The following RCL1 variants were observed in gnomAD, a reference collection of about 807,000 sequenced individuals.
RCL1 encodes the protein RNA 3'-terminal phosphate cyclase-like protein.
A neutral mutation model predicts 42.4 loss-of-function variants in RCL1; 24 were observed. That is an observed-to-expected ratio of 0.57 (90% CI 0.41 to 0.80). The LOEUF (loss-of-function observed/expected upper bound fraction) is 0.80. RCL1 is among the 30% of genes least tolerant of loss of function. The pLI is 0.00. For synonymous variants in RCL1, 228 were observed against 177.3 expected (o/e 1.29, Z -2.27); for missense variants, 578 against 467.9 (o/e 1.24, Z -2.17).
chr9:4,831,614 C>A lies in RCL1; in HGVS notation c.385-1540C>A, dbSNP rs1036528194. On this transcript the variant is annotated intron_variant, in intron 3 of 8. Coordinates refer to ENST00000381750, the MANE Select transcript of RCL1 (RefSeq NM_005772.5). ...ACCTCAGCCTCTCAAGTAGCTAGGA[C>A]CACAGGCGTGCAGCATGCCCAGCTT... 2.7e-5 allele frequency among the ~76,000 whole-genome samples: 4 copies of A among 150,216 alleles called. No homozygotes were observed. The Admixed American group carries it at 2.7e-4, about 10-fold the overall frequency.
At chr9:4,856,758 A>T (rs183481067) in intron 8 of RCL1, among the ~76,000 whole-genome samples, 16 of 152,330 alleles carry the variant, frequency 1.1e-4, no homozygotes, top group African/African-American at 3.8e-4. Context: ...AGGTGGAAGG[A>T]AAGCAAGGAA....
intron 2 of RCL1, 58 bp from the exon 3 acceptor site, chr9:4,826,800 C>G (rs905801728): frequency 6.8e-7 from 1 of 1,465,810 alleles, no homozygotes; most frequent in Non-Finnish European, 9.3e-7. Context: ...CCTTCATTAC[C>G]TTTGTGACAT....
chr9:4,844,503 G>T lies in RCL1; in HGVS notation c.711-22G>T, dbSNP rs778649234. The stretch of plus-strand genomic sequence containing the variant: ...CCTCACTTGGTTAAACCTACTCAGT[G>T]TTTGTGCCTTTGTATCTCCAGGTCT... On this transcript the variant is annotated intron_variant, in intron 6 of 8. Coordinates refer to ENST00000381750, the MANE Select transcript of RCL1 (RefSeq NM_005772.5). 11 of 1,597,036 alleles carry T rather than the reference G, an allele frequency of 6.9e-6. No individual in the cohort carries two copies. In the Admixed American group the frequency reaches 1.7e-4, roughly 25 times the overall value.
chr9:4,860,595 C>T lies in RCL1; in HGVS notation c.*320C>T. On this transcript the variant is annotated 3_prime_UTR_variant, in exon 9 of 9. Transcript: ENST00000381750. ...TAGCTGCAGTTCAGCTGTGCTTCCTCAGCCTACTATCATAGGCTTCCTCAG... is the reference window on the plus strand; with the variant it reads ...TAGCTGCAGTTCAGCTGTGCTTCCTTAGCCTACTATCATAGGCTTCCTCAG... 1 of 256,642 alleles carries T rather than the reference C, an allele frequency of 3.9e-6. No individual in the cohort carries two copies. The allele number at this position is 256,642 out of a possible 1,614,324, so 15.9% of individuals were successfully genotyped here.
At chr9:4,813,570 A>G (rs558726985) in intron 1 of RCL1, among the ~76,000 whole-genome samples, 5 of 152,304 alleles carry the variant, frequency 3.3e-5, no homozygotes, top group East Asian at 1.9e-4. Flanking sequence ...AGAAATAGGA[A>G]CACTTTTACA....
Position 4,860,367 on chromosome 9 carries a change from G to T in RCL1, c.*92G>T. On this transcript the variant is annotated 3_prime_UTR_variant, in exon 9 of 9. Transcript: ENST00000381750. ...ACCAAGTCCAAATGGATTAATCCAG[G>T]ACAGAATAGCCACTTGCTTAATTTT... The T allele has an allele frequency of 7.5e-7, 1 of 1,325,616 alleles. No individual in the cohort carries two copies. Among genetic ancestry groups the T allele is most frequent in the Non-Finnish European group, 1.0e-6 (1 of 971,056 alleles). The allele number at this position is 1,325,616 out of a possible 1,614,324, so 82.1% of individuals were successfully genotyped here.
intron 8 of RCL1, among the ~76,000 whole-genome samples, chr9:4,851,552 G>C (rs1370297295): frequency 1.3e-5 from 2 of 152,190 alleles, no homozygotes; most frequent in African/African-American, 4.8e-5. Context: ...TACAGTTGAG[G>C]ATAAAAAAGG....
chr9:4,810,089 A>C (rs984571859), intron 1 of RCL1, among the ~76,000 whole-genome samples: 1 of 152,116 alleles, frequency 6.6e-6, no homozygotes, highest in South Asian at 2.1e-4. Flanking sequence ...TGGCCTCCCA[A>C]AGTGCTAAGA....
At chr9:4,812,679 C>G (rs10815089) in intron 1 of RCL1, among the ~76,000 whole-genome samples, 34,012 of 151,690 alleles carry the variant, frequency 0.22, 4,125 homozygotes, top group South Asian at 0.36. Context: ...TGTAAATAAT[C>G]TCATTGGTAT....
intron 8 of RCL1, among the ~76,000 whole-genome samples, chr9:4,852,045 C>G (rs1401330654): frequency 6.6e-6 from 1 of 152,048 alleles, no homozygotes; most frequent in Non-Finnish European, 1.5e-5. Flanking sequence ...CCGTGCCTGG[C>G]TAATTTTTTG....
chr9:4,858,349 AT>A (rs1818036191), intron 8 of RCL1, among the ~76,000 whole-genome samples: 1 of 152,026 alleles, frequency 6.6e-6, no homozygotes, highest in East Asian at 1.9e-4. Flanking sequence ...AAGTATTTTA[AT>A]TTTGATGAAG....
chr9:4,856,589 A>G (rs567967649), intron 8 of RCL1, among the ~76,000 whole-genome samples: 3 of 152,324 alleles, frequency 2.0e-5, no homozygotes, highest in Non-Finnish European at 4.4e-5. Context: ...ACAGTGATAC[A>G]TAAGCATTTA....
rs1818135792 is a variant in RCL1, at chr9:4,860,467, T to C, written c.*192T>C. 1.6e-6 allele frequency: 1 copy of C among 625,012 alleles called. No individual in the cohort carries two copies. The highest frequency in any genetic ancestry group is 2.5e-6 in the Non-Finnish European group (1 of 394,040). The allele number at this position is 625,012 out of a possible 1,614,324, so 38.7% of individuals were successfully genotyped here. A position where few individuals can be genotyped will look rare whatever the true frequency, so the allele number is the denominator to read the frequency against. On this transcript the variant is annotated 3_prime_UTR_variant, in exon 9 of 9. Transcript: ENST00000381750. ...GTTTCCAGCTGTTTCTCCAGTGGCA[T>C]TGCCATTGCCCAGGAGGGGCCCAGT...
rs1563853634 is a variant in RCL1 at position 4,844,684 on chromosome 9, A to T, written c.867+3A>T. ...TGCTGCTGGAGGAAATCTACAGGGT[A>T]TGTCCACAGCTTCCTCTGATAGAGG... On this transcript the variant is annotated splice_donor_region_variant and intron_variant, in intron 7 of 8. Transcript: ENST00000381750. 6.2e-7 allele frequency: 1 copy of T among 1,611,444 alleles called. No homozygotes were observed. The highest frequency in any genetic ancestry group is 2.2e-5 in the East Asian group (1 of 44,854).
rs545963733 is a variant in RCL1, at chr9:4,842,365, G to A, written c.710+1008G>A. On this transcript the variant is annotated intron_variant, in intron 6 of 8. Transcript: ENST00000381750. ...AAAAGAGAGTAAAGGAGGGGGGTGA[G>A]TGTTTTATACAACCTTTGACCTTTA... 2.7e-4 allele frequency among the ~76,000 whole-genome samples: 41 copies of A among 152,286 alleles called. 1 individual carries two copies. The South Asian group carries it at 7.7e-3, about 28-fold the overall frequency.
intron 5 of RCL1, among the ~76,000 whole-genome samples, chr9:4,838,429 T>C (rs1419456820): frequency 6.6e-6 from 1 of 152,190 alleles, no homozygotes. Flanking sequence ...AGTTTTGCAG[T>C]GCTGTCCTAG....
chr9:4,835,377 T>G (rs189310085), intron 5 of RCL1, among the ~76,000 whole-genome samples: 1,955 of 151,450 alleles, frequency 0.013, 22 homozygotes, highest in Non-Finnish European at 0.021. Flanking sequence ...AGCATTGGGG[T>G]GGGGGAAAAG....
At chr9:4,857,857 A>G (rs1818015282) in intron 8 of RCL1, among the ~76,000 whole-genome samples, 2 of 151,158 alleles carry the variant, frequency 1.3e-5, no homozygotes, top group African/African-American at 4.9e-5. Context: ...CACTTCCCTA[A>G]TAACCAGTGA....
intron 5 of RCL1, among the ~76,000 whole-genome samples, chr9:4,834,616 A>C (rs1214283977): frequency 6.6e-6 from 1 of 152,076 alleles, no homozygotes; most frequent in Admixed American, 6.6e-5. Context: ...CGGTGAAGGA[A>C]CCAAATATGA....
Sources: gnomAD v4.1 joint callset for allele counts (sites outside exome capture counted in the v4.1 genomes callset) on GRCh38, gnomAD v4.1.1 for gene constraint, MANE v1.5 for transcripts, NCBI Gene and HGNC (gene_info 2026-07-23, HGNC 2026-07-21) for gene names.